Variants in LRP1B observed in about 807,000 individuals in gnomAD.
LRP1B encodes the protein LDL receptor related protein 1B.
A neutral mutation model predicts 556.6 loss-of-function variants in LRP1B; 217 were observed. That is an observed-to-expected ratio of 0.39 (90% CI 0.35 to 0.44). The LOEUF (loss-of-function observed/expected upper bound fraction) is 0.44. Ranked by LOEUF, LRP1B falls within the 20% of genes least tolerant of loss-of-function variation. The probability of loss-of-function intolerance (pLI) is 1.00; values close to 1 mark genes in which losing one functional copy is unlikely to be tolerated. For missense variants in LRP1B, 5,053 were observed against 5,620.8 expected (o/e 0.90, Z 3.23); for synonymous variants, 2,047 against 1,865.8 (o/e 1.10, Z -2.50).
intron 5 of LRP1B, among the ~76,000 whole-genome samples, chr2:141,230,580 T>C (rs1330870494): frequency 6.6e-6 from 1 of 152,182 alleles, no homozygotes; most frequent in African/African-American, 2.4e-5. Flanking sequence ...CTCTACCTGA[T>C]CTGTATATTA....
At chr2:140,694,816 T>C (rs1292037129) in intron 41 of LRP1B, among the ~76,000 whole-genome samples, 2 of 152,128 alleles carry the variant, frequency 1.3e-5, no homozygotes, top group Non-Finnish European at 2.9e-5. Flanking sequence ...GCATTATCAC[T>C]TTCACTAGTA....
intron 3 of LRP1B, among the ~76,000 whole-genome samples, chr2:141,423,287 G>A (rs1485755559): frequency 8.4e-6 from 1 of 118,924 alleles, no homozygotes; most frequent in Non-Finnish European, 1.7e-5. Flanking sequence ...GCAACAGCCA[G>A]AGCTTTTTTT....
Position 141,464,606 on chromosome 2 carries a change from A to ATATATATATATTT in LRP1B, c.343+15789_343+15790insAAATATATATATA. Among the ~76,000 whole-genome samples the ATATATATATATTT allele has an allele frequency of 1.1e-4, 10 of 90,538 alleles. No individual in the cohort carries two copies. The South Asian group carries it at 2.6e-3, about 24-fold the overall frequency. 59.4% of individuals were successfully genotyped at this position (90,538 alleles called of 152,430 possible). On this transcript the variant is annotated intron_variant, in intron 3 of 90. Coordinates refer to ENST00000389484, the MANE Select transcript of LRP1B (RefSeq NM_018557.3). Reference sequence around the variant, plus strand: ...TTTGTATATATATATATATATATATATTTTTTTAGTAGAGATGGGGTTTCA... The same window carrying ATATATATATATTT: ...TTTGTATATATATATATATATATATATATATATATATTTTTTTTTTAGTAGAGATGGGGTTTCA...
chr2:141,389,708 G>T (rs1349544351), intron 3 of LRP1B, among the ~76,000 whole-genome samples: 2 of 152,104 alleles, frequency 1.3e-5, no homozygotes, highest in African/African-American at 4.8e-5. Flanking sequence ...TCTACAGAAG[G>T]AGAGAAAATA....
Position 140,700,495 on chromosome 2 carries a change from T to C in LRP1B, c.6554A>G (p.His2185Arg). 1 of 1,613,544 alleles carries C rather than the reference T, an allele frequency of 6.2e-7. No homozygotes were observed. The highest frequency in any genetic ancestry group is 8.5e-7 in the Non-Finnish European group (1 of 1,179,678). The change falls in exon 41 of 91, where the codon CAT becomes CGT. Residue 2185 changes from histidine (H) to arginine (R), a missense_variant. His to Arg is a conservative substitution (Grantham distance 29). Around this residue, in one of 5 missense-constraint regions of LRP1B, gnomAD observed 3,619 missense variants for 3,931.9 expected, o/e 0.92. Transcript: ENST00000389484. ...LAEDGVTCLR[H>R]EGYLLYSGRT... ...TCCTGAATACAGTAAATAGCCTTCA[T>C]GCCTCAGGCAAGTAACTCCATCTTC...
intron 2 of LRP1B, among the ~76,000 whole-genome samples, chr2:141,795,844 G>A (rs1695785033): frequency 1.0e-5 from 1 of 96,308 alleles, no homozygotes; most frequent in Non-Finnish European, 2.1e-5. Context: ...AATAGAGAAT[G>A]AAAACCAGGA....
At chr2:140,280,287 A>C (rs1383649682) in intron 84 of LRP1B, among the ~76,000 whole-genome samples, 7 of 151,800 alleles carry the variant, frequency 4.6e-5, no homozygotes, top group Non-Finnish European at 1.0e-4. Context: ...AAAGTTGGAA[A>C]TAGTGATAGA....
intron 20 of LRP1B, among the ~76,000 whole-genome samples, chr2:140,944,119 C>T (rs1381382505): frequency 6.6e-6 from 1 of 152,010 alleles, no homozygotes; most frequent in Non-Finnish European, 1.5e-5. Context: ...ATGCAAAAGA[C>T]TCTCAGGGAC....
chr2:140,447,815 G>C (rs946954350), intron 63 of LRP1B, among the ~76,000 whole-genome samples: 8 of 151,966 alleles, frequency 5.3e-5, no homozygotes, highest in Admixed American at 4.6e-4. Context: ...CCTTTCGCTG[G>C]AACACTTAGA....
intron 84 of LRP1B, among the ~76,000 whole-genome samples, chr2:140,287,362 C>T (rs113611013): frequency 0.02 from 3,046 of 151,816 alleles, 89 homozygotes; most frequent in African/African-American, 0.068. Flanking sequence ...AGAGGTACCA[C>T]AGAAATGACC....
intron 2 of LRP1B, among the ~76,000 whole-genome samples, chr2:141,722,228 A>C (rs1169882094): frequency 1.3e-5 from 2 of 152,134 alleles, no homozygotes; most frequent in African/African-American, 4.8e-5. Context: ...AAATACAAAA[A>C]TTAGGTGGGC....
At chr2:141,685,686 A>C (rs1691268858) in intron 2 of LRP1B, among the ~76,000 whole-genome samples, 1 of 152,110 alleles carries the variant, frequency 6.6e-6, no homozygotes, top group Admixed American at 6.6e-5. Context: ...ATGTGATGAC[A>C]GAAGGAGAGA....
At chr2:142,037,976 A>G (rs1379851466) in intron 1 of LRP1B, among the ~76,000 whole-genome samples, 1 of 151,582 alleles carries the variant, frequency 6.6e-6, no homozygotes, top group Non-Finnish European at 1.5e-5. Flanking sequence ...CTAACGAGGC[A>G]GCTATTCCAT....
rs77179486 is a variant in LRP1B, at chr2:140,844,449, T to C, written c.4940-3357A>G. ...ATCATCTTTATGTCTAAAAGAATAC[T>C]CTTCTTTTTGACTATCAATCACTAA... On this transcript the variant is annotated intron_variant, in intron 29 of 90. Coordinates refer to ENST00000389484, the MANE Select transcript of LRP1B (RefSeq NM_018557.3). 3.8e-3 allele frequency among the ~76,000 whole-genome samples: 584 copies of C among 152,266 alleles called. 8 individuals are homozygous for C. The highest frequency in any genetic ancestry group is 0.013 in the African/African-American group (549 of 41,558).
At chr2:140,457,231 T>C (rs1453588203) in intron 61 of LRP1B, among the ~76,000 whole-genome samples, 3 of 152,306 alleles carry the variant, frequency 2.0e-5, no homozygotes, top group Admixed American at 6.5e-5. Context: ...TCATTTTAGC[T>C]TAATATGAGT....
At chr2:140,591,637 C>A (rs1013073606) in intron 43 of LRP1B, among the ~76,000 whole-genome samples, 7 of 152,278 alleles carry the variant, frequency 4.6e-5, no homozygotes, top group Admixed American at 2.6e-4. Context: ...TGGTAAAGAA[C>A]CAGGAATCTG....
In LRP1B at chr2:140,243,190, A is replaced by C. The variant is rs922602847; in HGVS notation, c.13325-3658T>G. 2.0e-5 allele frequency among the ~76,000 whole-genome samples: 3 copies of C among 151,216 alleles called. No homozygotes were observed. The Admixed American group carries it at 2.0e-4, about 10-fold the overall frequency. The stretch of plus-strand genomic sequence containing the variant: ...ATATATCAAGCAAGCAGTGAAATAC[A>C]TGTCTCAAACTTAGGAGATAAATCA... On this transcript the variant is annotated intron_variant, in intron 87 of 90. Transcript: ENST00000389484.
At chr2:140,978,860 C>T (rs925703410) in intron 18 of LRP1B, among the ~76,000 whole-genome samples, 6 of 152,140 alleles carry the variant, frequency 3.9e-5, no homozygotes, top group Non-Finnish European at 7.4e-5. Flanking sequence ...GCTAGTTTAC[C>T]GATACTCTGT....
intron 7 of LRP1B, among the ~76,000 whole-genome samples, chr2:141,186,078 C>CAAAAAAAA (rs386391364): frequency 3.9e-5 from 3 of 77,608 alleles, no homozygotes; most frequent in Admixed American, 1.9e-4. Flanking sequence ...GACTCTGTCT[C>CAAAAAAAA]AAAAAAAAAA....
Sources: gnomAD v4.1 joint callset for allele counts (sites outside exome capture counted in the v4.1 genomes callset) on GRCh38, gnomAD v4.1.1 for gene constraint, gnomAD v4.1.1 regional missense constraint, MANE v1.5 for transcripts, NCBI Gene and HGNC (gene_info 2026-07-23, HGNC 2026-07-21) for gene names.